SHROOM4: variants seen among roughly 807,000 people sequenced by gnomAD.
The protein encoded by SHROOM4 is protein Shroom4.
SHROOM4 carries 17 observed loss-of-function variants against 80.3 expected under a neutral mutation model. The ratio of observed to expected loss-of-function variants is 0.21; its 90% CI spans 0.14 to 0.32. The LOEUF is 0.32. Ranked by LOEUF, SHROOM4 falls within the 10% of genes least tolerant of loss-of-function variation. The pLI, the probability that SHROOM4 is intolerant of heterozygous loss-of-function variation, is 1.00. For missense variants in SHROOM4, 993 were observed against 1,140.3 expected (o/e 0.87, Z 1.86); for synonymous variants, 400 against 437.5 (o/e 0.91, Z 1.07).
chrX:50,691,467 G>A (rs1348519891), intron 2 of SHROOM4, among the ~76,000 whole-genome samples: 1 of 111,503 alleles, frequency 9.0e-6, no homozygotes, highest in African/African-American at 3.3e-5. Context: ...AATAGTCCAG[G>A]TGAGAAATCA....
Position 50,607,921 on chromosome X carries a change from C to T in SHROOM4, c.3221G>A (p.Gly1074Glu), listed in dbSNP as rs782130237. Residue 1074 changes from glycine (G) to glutamate (E), a missense_variant, in exon 6 of 9, where the codon GGG (glycine) becomes GAG (glutamate). Physicochemically the swap from Gly to Glu is moderately conservative, Grantham distance 98. Transcript: ENST00000376020. ...GCTAAAGAGCTCCCTCCTATGCTGCCCCCAGGCCCGGGTGCTTTGGGGCGC... is the reference window on the plus strand; with the variant it reads ...GCTAAAGAGCTCCCTCCTATGCTGCTCCCAGGCCCGGGTGCTTTGGGGCGC... ...SLAPQSTRAW[G>E]QHRRELFSKG... 21 of 1,209,972 alleles carry T rather than the reference C, an allele frequency of 1.7e-5. No individual in the cohort carries two copies. The highest frequency in any genetic ancestry group is 8.8e-5 in the South Asian group (5 of 56,751).
At position 50,635,357 on chromosome X, in the gene SHROOM4, C is replaced by A. The variant is rs1557255763; in HGVS notation, c.716G>T (p.Gly239Val). The change falls in exon 4 of 9, where the codon GGT (glycine) becomes GTT (valine). Residue 239 changes from glycine (G) to valine (V), a missense_variant. Physicochemically the swap from Gly to Val is moderately radical, Grantham distance 109. Transcript: ENST00000376020. ...GRPNVAETSG[G>V]SRRTNGGHLT... ...GTGGCCCCCATTGGTGCGCCGACTA[C>A]CTCCTGAGGTCTCAGCCACATTAGG... The A allele has an allele frequency of 8.3e-7, 1 of 1,204,730 alleles. No homozygotes were observed. The highest frequency in any genetic ancestry group is 3.0e-5 in the East Asian group (1 of 33,537).
intron 1 of SHROOM4, among the ~76,000 whole-genome samples, chrX:50,703,318 T>C (rs188687859): frequency 7.2e-4 from 81 of 111,875 alleles, no homozygotes; most frequent in African/African-American, 2.6e-3. Context: ...ACTCCTCTTG[T>C]CAATATCAGA....
At chrX:50,608,233 G>A in intron 5 of SHROOM4, 49 bp from the exon 6 acceptor site, 2 of 1,140,355 alleles carry the variant, frequency 1.8e-6, no homozygotes, top group Middle Eastern at 2.4e-4. Context: ...GTTGCAGATA[G>A]GCCCATATTT....
chrX:50,800,714 T>C (rs1936100957), intron 1 of SHROOM4, among the ~76,000 whole-genome samples: 1 of 111,048 alleles, frequency 9.0e-6, no homozygotes, highest in Non-Finnish European at 1.9e-5. Flanking sequence ...CCTGGAAGGA[T>C]TGCTAAGACT....
intron 1 of SHROOM4, among the ~76,000 whole-genome samples, chrX:50,795,336 A>G (rs1185128992): frequency 9.3e-6 from 1 of 107,971 alleles, no homozygotes; most frequent in Non-Finnish European, 1.9e-5. Context: ...CAAACTCAAA[A>G]AGAAGAAATC....
intron 1 of SHROOM4, among the ~76,000 whole-genome samples, chrX:50,735,910 G>C (rs1557266670): frequency 9.2e-6 from 1 of 109,220 alleles, no homozygotes; most frequent in Non-Finnish European, 1.9e-5. Context: ...GGGAGGCTGA[G>C]GCAGGAGAAT....
intron 6 of SHROOM4, among the ~76,000 whole-genome samples, chrX:50,604,837 G>C (rs1304085656): frequency 1.8e-5 from 2 of 111,822 alleles, no homozygotes; most frequent in African/African-American, 6.5e-5. Context: ...AGAGCACTGA[G>C]AGGAAATGCA....
intron 1 of SHROOM4, among the ~76,000 whole-genome samples, chrX:50,785,347 T>C (rs1557270976): frequency 9.0e-6 from 1 of 110,939 alleles, no homozygotes. Flanking sequence ...TGACTGTTCA[T>C]AGCAGCTTTA....
chrX:50,727,698 TG>T (rs782194624), intron 1 of SHROOM4, among the ~76,000 whole-genome samples: 50 of 112,468 alleles, frequency 4.4e-4, no homozygotes, highest in African/African-American at 1.5e-3. Context: ...TCCCCAGCCA[TG>T]GGAAACTGTG....
At chrX:50,683,271 A>G (rs1932983086) in intron 2 of SHROOM4, among the ~76,000 whole-genome samples, 1 of 112,031 alleles carries the variant, frequency 8.9e-6, no homozygotes, top group Admixed American at 9.5e-5. Context: ...TGGCCATAAC[A>G]TAAAGTGCAG....
At chrX:50,597,041 C>T (rs782233781) in intron 8 of SHROOM4, 77 bp from the exon 9 acceptor site, 186 of 1,088,656 alleles carry the variant, frequency 1.7e-4, no homozygotes, top group Non-Finnish European at 2.2e-4. Flanking sequence ...AGCAGTACTC[C>T]ACCAGAGATG....
chrX:50,716,016 G>A (rs150776853), intron 1 of SHROOM4, among the ~76,000 whole-genome samples: 4 of 110,540 alleles, frequency 3.6e-5, no homozygotes, highest in Non-Finnish European at 5.7e-5. Context: ...GAAACACTAT[G>A]CAACCTTAAA....
chrX:50,578,982 T>A, the SHROOM4 span, among the ~76,000 whole-genome samples: 4 of 111,736 alleles, frequency 3.6e-5, no homozygotes, highest in Non-Finnish European at 7.5e-5. Flanking sequence ...AAAGTGTATA[T>A]CCATAGTAAC....
intron 2 of SHROOM4, among the ~76,000 whole-genome samples, chrX:50,676,673 C>T (rs1223144808): frequency 9.0e-6 from 1 of 110,926 alleles, no homozygotes; most frequent in African/African-American, 3.3e-5. Context: ...GATAGGATCA[C>T]TTTAACTCTC....
At chrX:50,610,360 A>T (rs1345056954) in intron 5 of SHROOM4, among the ~76,000 whole-genome samples, 5 of 105,841 alleles carry the variant, frequency 4.7e-5, no homozygotes, top group Admixed American at 3.0e-4. Context: ...TCTCACACAC[A>T]CACACACACA....
chrX:50,738,501 G>C (rs1243279134), intron 1 of SHROOM4, among the ~76,000 whole-genome samples: 5 of 111,520 alleles, frequency 4.5e-5, no homozygotes, highest in Admixed American at 2.9e-4. Context: ...CAAAATCAAT[G>C]TGCAAAAATC....
intron 2 of SHROOM4, among the ~76,000 whole-genome samples, chrX:50,693,256 A>G (rs1933269430): frequency 9.0e-6 from 1 of 111,104 alleles, no homozygotes; most frequent in Non-Finnish European, 1.9e-5. Context: ...AATAACAAGG[A>G]AACTGACTAT....
intron 7 of SHROOM4, among the ~76,000 whole-genome samples, chrX:50,600,318 T>G (rs1929334349): frequency 9.0e-6 from 1 of 111,601 alleles, no homozygotes; most frequent in African/African-American, 3.3e-5. Context: ...CCATAGCCTC[T>G]GTAGACAGTA....
Sources: allele counts gnomAD v4.1 joint callset (sites outside exome capture counted in the v4.1 genomes callset), GRCh38; gene constraint gnomAD v4.1.1; transcripts MANE v1.5; gene names NCBI Gene and HGNC (gene_info 2026-07-23, HGNC 2026-07-21).